SCN10A: variants seen among roughly 807,000 people sequenced by gnomAD.
The protein encoded by SCN10A is sodium channel protein type 10 subunit alpha.
A neutral mutation model predicts 170.7 loss-of-function variants in SCN10A; 162 were observed. The ratio of observed to expected loss-of-function variants is 0.95; its 90% CI spans 0.84 to 1.08. SCN10A has a LOEUF of 1.08. SCN10A is among the 50% of genes least tolerant of loss of function. The pLI, the probability that SCN10A is intolerant of heterozygous loss-of-function variation, is 0.00. For missense variants in SCN10A, 2,527 were observed against 2,436.9 expected, an observed-to-expected ratio of 1.04 and a Z score of -0.78; for synonymous variants, 985 against 904.6, an observed-to-expected ratio of 1.09 and a Z score of -1.59.
chr3:38,780,907 T>C lies in SCN10A; in HGVS notation c.470+8049A>G, dbSNP rs138332359. 9.4e-3 allele frequency among the ~76,000 whole-genome samples: 1,429 copies of C among 152,056 alleles called. 20 individuals carry two copies. The highest frequency in any genetic ancestry group is 0.031 in the African/African-American group (1,296 of 41,494). On this transcript the variant is annotated intron_variant, in intron 4 of 27. Transcript: ENST00000449082. Reference sequence around the variant, plus strand: ...AGATGAGGAGAGTAGTGGCTGGCCATTGGAAGTTGACAATGACCAATTGAG... The same window carrying C: ...AGATGAGGAGAGTAGTGGCTGGCCACTGGAAGTTGACAATGACCAATTGAG...
chr3:38,722,694 A>G (rs538356389), intron 19 of SCN10A, among the ~76,000 whole-genome samples: 51 of 152,064 alleles, frequency 3.4e-4, no homozygotes, highest in African/African-American at 1.1e-3. Flanking sequence ...CTGCCCACCT[A>G]TACCTGGAAA....
At chr3:38,742,650 GC>G in intron 13 of SCN10A, 121 bp from the exon 14 acceptor site, 1 of 754,264 alleles carries the variant, frequency 1.3e-6, no homozygotes, top group Admixed American at 1.9e-5. Flanking sequence ...TTTGACTTCA[GC>G]CCTCTCTCTG....
rs1484401504 is a variant in SCN10A at position 38,709,533 on chromosome 3, GT to G, written c.4225del (p.Thr1409HisfsTer2). On this transcript the variant is annotated frameshift_variant, in exon 25 of 28. Transcript: ENST00000449082. LOFTEE classifies it high-confidence loss of function. ...TATGACCCCAACAAAGAGATTCAGT[GT>G]GAAGAAGCCTCCAAAAATGATGAAG... ...VIFIIFGGFF[T>X]LNLFVGVIID... 6.2e-7 allele frequency: 1 copy of G among 1,613,280 alleles called. No homozygotes were observed.
intron 6 of SCN10A, among the ~76,000 whole-genome samples, chr3:38,761,835 TGTGAGA>T (rs1420882292): frequency 3.8e-5 from 5 of 132,062 alleles, no homozygotes; most frequent in African/African-American, 1.7e-4. Context: ...TGTGTGTGTG[TGTGAGA>T]GAGAGAGAGA....
chr3:38,775,906 A>G (rs941384230), intron 4 of SCN10A, among the ~76,000 whole-genome samples: 49 of 152,110 alleles, frequency 3.2e-4, no homozygotes, highest in African/African-American at 1.1e-3. Context: ...TTTTGATATG[A>G]GGATGAATGA....
intron 15 of SCN10A, among the ~76,000 whole-genome samples, chr3:38,738,240 T>C (rs1277273948): frequency 6.6e-6 from 1 of 152,106 alleles, no homozygotes; most frequent in Non-Finnish European, 1.5e-5. Flanking sequence ...CCTGAGATGG[T>C]CACATTGATT....
chr3:38,796,527 AAG>A (rs2064342514), intron 1 of SCN10A, among the ~76,000 whole-genome samples: 1 of 152,192 alleles, frequency 6.6e-6, no homozygotes, highest in Non-Finnish European at 1.5e-5. Context: ...CATAGCACTC[AAG>A]ATAACCCAAA....
intron 5 of SCN10A, among the ~76,000 whole-genome samples, chr3:38,766,326 A>G (rs1559453432): frequency 6.6e-6 from 1 of 152,024 alleles, no homozygotes; most frequent in Non-Finnish European, 1.5e-5. Flanking sequence ...TCTCAGGGGG[A>G]ATGCTTTCAA....
chr3:38,737,798 C>CTCTTTCTTTCTTTCTTTCTTTCTTTT (rs2063583293), intron 15 of SCN10A, among the ~76,000 whole-genome samples: 20 of 93,626 alleles, frequency 2.1e-4, no homozygotes, highest in African/African-American at 8.7e-4. Flanking sequence ...CCCTCCCTTC[C>CTCTTTCTTTCTTTCTTTCTTTCTTTT]TCTTTCTTTC....
chr3:38,734,194 A>C (rs548840715), intron 15 of SCN10A, among the ~76,000 whole-genome samples: 1 of 150,260 alleles, frequency 6.7e-6, no homozygotes, highest in African/African-American at 2.5e-5. Flanking sequence ...GCTAATTTAT[A>C]TATTTTTAGT....
rs998946184 is a variant in SCN10A at position 38,710,912 on chromosome 3, C to A, written c.4090-15G>T. 3.1e-5 allele frequency: 50 copies of A among 1,611,752 alleles called. No individual in the cohort carries two copies. The highest frequency in any genetic ancestry group is 4.1e-5 in the Non-Finnish European group (48 of 1,178,638). Reference sequence around the variant, plus strand: ...TTAAAGGTTGCCTGGAGACAAGGAGCAGAGGCCACTCAGTGTCTGCCCATC... The same window carrying A: ...TTAAAGGTTGCCTGGAGACAAGGAGAAGAGGCCACTCAGTGTCTGCCCATC... On this transcript the variant is annotated splice_polypyrimidine_tract_variant and intron_variant, in intron 23 of 27. Coordinates refer to ENST00000449082, the MANE Select transcript of SCN10A (RefSeq NM_006514.4).
chr3:38,727,331 C>G (rs1339072593), intron 16 of SCN10A, among the ~76,000 whole-genome samples: 1 of 152,208 alleles, frequency 6.6e-6, no homozygotes, highest in Non-Finnish European at 1.5e-5. Context: ...TTAGGGACAA[C>G]AGAGAGAAGG....
rs970571351 is a variant in SCN10A at position 38,697,218 on chromosome 3, C to T, written c.*131G>A. 12 of 1,437,458 alleles carry T rather than the reference C, an allele frequency of 8.3e-6. No homozygotes were observed. The Admixed American group carries it at 9.3e-5, about 11-fold the overall frequency. The allele number at this position is 1,437,458 out of a possible 1,614,324, so 89.0% of individuals were successfully genotyped here. A position where few individuals can be genotyped will look rare whatever the true frequency, so the allele number is the denominator to read the frequency against. On this transcript the variant is annotated 3_prime_UTR_variant, in exon 28 of 28. Transcript: ENST00000449082. The stretch of plus-strand genomic sequence containing the variant: ...GGTGGTTACCAGTTGCATTCCCTGC[C>T]CAGTTCTGACATTGTGACCAGTGGC...
chr3:38,801,732 T>C (rs2064372465), intron 1 of SCN10A, among the ~76,000 whole-genome samples: 1 of 152,194 alleles, frequency 6.6e-6, no homozygotes, highest in South Asian at 2.1e-4. Flanking sequence ...GTAGATATGA[T>C]GTGGATAAAC....
At chr3:38,793,122 G>A in intron 2 of SCN10A, among the ~76,000 whole-genome samples, 1 of 151,738 alleles carries the variant, frequency 6.6e-6, no homozygotes, top group East Asian at 1.9e-4. Context: ...TCAAAACTCA[G>A]GAAATTTTAA....
At chr3:38,757,255 G>T in intron 8 of SCN10A, 96 bp from the exon 9 acceptor site, 1 of 1,207,482 alleles carries the variant, frequency 8.3e-7, no homozygotes. Context: ...AGAGATCAGA[G>T]TTCAAGACCT....
At chr3:38,794,345 C>T (rs72869620) in intron 1 of SCN10A, among the ~76,000 whole-genome samples, 3,887 of 152,250 alleles carry the variant, frequency 0.026, 158 homozygotes, top group African/African-American at 0.088. Flanking sequence ...AGCCATGCTG[C>T]CCTCTCTCCT....
intron 1 of SCN10A, among the ~76,000 whole-genome samples, chr3:38,810,358 AC>A (rs1406580428): frequency 6.6e-6 from 1 of 152,208 alleles, no homozygotes; most frequent in Non-Finnish European, 1.5e-5. Flanking sequence ...AGCAAAGGAT[AC>A]GCAGGAAATT....
intron 8 of SCN10A, among the ~76,000 whole-genome samples, chr3:38,759,136 T>C (rs980736740): frequency 6.6e-6 from 1 of 152,154 alleles, no homozygotes; most frequent in African/African-American, 2.4e-5. Context: ...TGGAGCCTCA[T>C]GCAGGCTCCA....
Sources: allele counts gnomAD v4.1 joint callset (sites outside exome capture counted in the v4.1 genomes callset), GRCh38; gene constraint gnomAD v4.1.1; transcripts MANE v1.5; gene names NCBI Gene and HGNC (gene_info 2026-07-23, HGNC 2026-07-21).